NEK11: variants seen among roughly 807,000 people sequenced by gnomAD.
NEK11 encodes NIMA related kinase 11.
NEK11 carries 72 observed loss-of-function variants against 80.7 expected under a neutral mutation model. That is an observed-to-expected ratio of 0.89 (90% CI 0.74 to 1.08). NEK11 has a LOEUF of 1.08. Among genes scored for constraint, NEK11 ranks in the 50% least tolerant of loss-of-function variants. NEK11 has a pLI of 0.00. For synonymous variants in NEK11, 251 were observed against 260.7 expected (o/e 0.96, Z 0.36); for missense variants, 764 against 763.6 (o/e 1.00, Z -0.01).
intron 17 of NEK11, among the ~76,000 whole-genome samples, chr3:131,338,159 G>T (rs912370200): frequency 4.6e-4 from 70 of 151,416 alleles, no homozygotes; most frequent in African/African-American, 1.6e-3. Context: ...TAGAGACGGG[G>T]TTTCACCATA....
At position 131,186,510 on chromosome 3, in the gene NEK11, C is replaced by T. The variant is rs141685114; in HGVS notation, c.1399+15623C>T. ...GCCAAGGAAGGCATTTCTAAATGGGCGCCCTCCTGTTGGTGCATCAGGGAT... is the reference window on the plus strand; with the variant it reads ...GCCAAGGAAGGCATTTCTAAATGGGTGCCCTCCTGTTGGTGCATCAGGGAT... On this transcript the variant is annotated intron_variant, in intron 14 of 17. Transcript: ENST00000383366. Among the ~76,000 whole-genome samples, 468 of 152,236 alleles carry T rather than the reference C, an allele frequency of 3.1e-3. 1 individual carries two copies. Among genetic ancestry groups the T allele is most frequent in the African/African-American group, 0.01 (435 of 41,556 alleles).
intron 5 of NEK11, among the ~76,000 whole-genome samples, chr3:131,117,258 T>C (rs577351378): frequency 6.6e-6 from 1 of 152,348 alleles, no homozygotes; most frequent in African/African-American, 2.4e-5. Flanking sequence ...CTTGTTTTCC[T>C]CAGGTTTGTC....
At chr3:131,204,722 C>T (rs185593511) in intron 14 of NEK11, among the ~76,000 whole-genome samples, 2 of 151,932 alleles carry the variant, frequency 1.3e-5, no homozygotes, top group Non-Finnish European at 2.9e-5. Flanking sequence ...ACATCTATTT[C>T]TCCCTACTCA....
intron 17 of NEK11, among the ~76,000 whole-genome samples, chr3:131,313,848 T>A (rs2096806114): frequency 6.6e-6 from 1 of 152,190 alleles, no homozygotes; most frequent in Non-Finnish European, 1.5e-5. Context: ...GGTTTACATA[T>A]GAACCAAGTA....
intron 17 of NEK11, among the ~76,000 whole-genome samples, chr3:131,296,201 C>T (rs1462565824): frequency 6.6e-6 from 1 of 152,120 alleles, no homozygotes; most frequent in Non-Finnish European, 1.5e-5. Context: ...CTTATAATAA[C>T]AAAATAATCC....
At chr3:131,132,145 T>G (rs1392493466) in intron 5 of NEK11, among the ~76,000 whole-genome samples, 3 of 152,068 alleles carry the variant, frequency 2.0e-5, no homozygotes, top group Admixed American at 6.5e-5. Flanking sequence ...TCGCAGGGAT[T>G]TTTTTTCATT....
intron 3 of NEK11, among the ~76,000 whole-genome samples, chr3:131,074,410 ACTC>A (rs1402949811): frequency 2.6e-5 from 4 of 151,682 alleles, no homozygotes; most frequent in African/African-American, 7.3e-5. Flanking sequence ...CTTAAAAAAT[ACTC>A]CTCCTCCCTG....
intron 3 of NEK11, among the ~76,000 whole-genome samples, chr3:131,070,492 C>T (rs1470536342): frequency 2.0e-5 from 3 of 152,098 alleles, no homozygotes; most frequent in Non-Finnish European, 4.4e-5. Context: ...TCCAAATCTG[C>T]GGTGCTATAA....
At chr3:131,297,508 T>C in intron 17 of NEK11, among the ~76,000 whole-genome samples, 1 of 152,188 alleles carries the variant, frequency 6.6e-6, no homozygotes, top group Admixed American at 6.5e-5. Flanking sequence ...TTGATGGGGT[T>C]GTTTGATTTT....
chr3:131,334,923 A>G (rs1308929360), intron 17 of NEK11, among the ~76,000 whole-genome samples: 6 of 152,238 alleles, frequency 3.9e-5, no homozygotes, highest in African/African-American at 7.2e-5. Flanking sequence ...AACCAGGAAG[A>G]AGTTCAATCT....
intron 3 of NEK11, among the ~76,000 whole-genome samples, chr3:131,064,522 T>G (rs1414455370): frequency 8.5e-5 from 13 of 152,230 alleles, no homozygotes; most frequent in African/African-American, 3.1e-4. Flanking sequence ...TTTCAAGACC[T>G]TATCTCCAAA....
intron 17 of NEK11, among the ~76,000 whole-genome samples, chr3:131,331,859 T>C (rs1170465905): frequency 6.6e-6 from 1 of 152,156 alleles, no homozygotes; most frequent in Non-Finnish European, 1.5e-5. Flanking sequence ...GTCTCGCTGA[T>C]TGCTAGCACA....
intron 16 of NEK11, among the ~76,000 whole-genome samples, chr3:131,264,965 T>C (rs1160500163): frequency 2.6e-5 from 4 of 152,236 alleles, no homozygotes; most frequent in Non-Finnish European, 4.4e-5. Context: ...TATTTTATTC[T>C]CTTTGAAGCC....
chr3:131,087,751 A>G (rs1419899621), intron 4 of NEK11, among the ~76,000 whole-genome samples: 1 of 152,180 alleles, frequency 6.6e-6, no homozygotes, highest in Non-Finnish European at 1.5e-5. Context: ...TTTGGCAATG[A>G]CGTGCAGCCA....
intron 3 of NEK11, among the ~76,000 whole-genome samples, chr3:131,069,632 G>A (rs1466136736): frequency 6.6e-6 from 1 of 151,574 alleles, no homozygotes; most frequent in African/African-American, 2.4e-5. Context: ...ATACACCATG[G>A]AATACTATGC....
intron 17 of NEK11, among the ~76,000 whole-genome samples, chr3:131,331,636 G>C (rs956534030): frequency 1.2e-4 from 19 of 152,340 alleles, no homozygotes; most frequent in South Asian, 4.1e-4. Flanking sequence ...CGCACCGTGC[G>C]TGAGCCGAAG....
At chr3:131,332,759 G>T (rs2097112984) in intron 17 of NEK11, among the ~76,000 whole-genome samples, 1 of 152,176 alleles carries the variant, frequency 6.6e-6, no homozygotes, top group Admixed American at 6.5e-5. Flanking sequence ...AACCAATACA[G>T]AGAAGTGCTT....
At chr3:131,143,793 G>A (rs1436239721) in intron 7 of NEK11, among the ~76,000 whole-genome samples, 1 of 151,888 alleles carries the variant, frequency 6.6e-6, no homozygotes, top group Non-Finnish European at 1.5e-5. Flanking sequence ...ATTATATTTA[G>A]ACTGAATTTA....
At chr3:131,274,613 A>G in intron 17 of NEK11, among the ~76,000 whole-genome samples, 1 of 133,802 alleles carries the variant, frequency 7.5e-6, no homozygotes, top group African/African-American at 2.7e-5. Flanking sequence ...CATCCTCTCC[A>G]GCACCTGTTG....
Sources: allele counts gnomAD v4.1 joint callset (sites outside exome capture counted in the v4.1 genomes callset), GRCh38; gene constraint gnomAD v4.1.1; transcripts MANE v1.5; gene names NCBI Gene and HGNC (gene_info 2026-07-23, HGNC 2026-07-21).